Variants in PCLO observed in about 807,000 individuals in gnomAD.
PCLO encodes the protein piccolo presynaptic cytomatrix protein.
A neutral mutation model predicts 427.5 loss-of-function variants in PCLO; 82 were observed. The ratio of observed to expected loss-of-function variants is 0.19; its 90% confidence interval spans 0.16 to 0.23. The LOEUF is 0.23. PCLO is among the 10% of genes least tolerant of loss of function. The pLI is 1.00. For synonymous variants in PCLO, 2,357 were observed against 2,155.4 expected (o/e 1.09, Z -2.59); for missense variants, 6,239 against 6,115.9 (o/e 1.02, Z -0.67).
At chr7:83,012,539 C>G (rs967437475) in intron 3 of PCLO, among the ~76,000 whole-genome samples, 1 of 146,052 alleles carries the variant, frequency 6.8e-6, no homozygotes, top group Admixed American at 7.1e-5. Context: ...ATCACTTGAA[C>G]CCAGGAGGCA....
intron 3 of PCLO, among the ~76,000 whole-genome samples, chr7:83,066,284 T>C (rs147885421): frequency 6.6e-6 from 1 of 152,244 alleles, no homozygotes; most frequent in Non-Finnish European, 1.5e-5. Context: ...GATTTGAACA[T>C]TTATTGTATT....
intron 20 of PCLO, chr7:82,820,790 A>G: frequency 8.1e-7 from 1 of 1,231,336 alleles, no homozygotes. Flanking sequence ...ATCACAATGA[A>G]ACATATTTAT....
Position 82,953,998 on chromosome 7 carries a change from C to G in PCLO, c.6955G>C (p.Ala2319Pro), listed in dbSNP as rs1253112992. Residue 2319 changes from alanine (A) to proline (P), a missense_variant, in exon 5 of 25, where the codon GCT becomes CCT. Transcript: ENST00000333891. ...TCCAACTCCTTTTTATCTCTGTAAG[C>G]TTCCAAAACTTCCAGAATGATTCCA... ...GNGIILEVLE[A>P]YRDKKELEAE... 3.7e-6 allele frequency: 6 copies of G among 1,613,812 alleles called. No individual in the cohort carries two copies. The highest frequency in any genetic ancestry group is 5.1e-6 in the Non-Finnish European group (6 of 1,179,866).
intron 20 of PCLO, among the ~76,000 whole-genome samples, chr7:82,815,944 AAACTC>A (rs1456158826): frequency 6.6e-6 from 1 of 152,132 alleles, no homozygotes; most frequent in Non-Finnish European, 1.5e-5. Flanking sequence ...CACATCTACC[AAACTC>A]AACACCCCGA....
chr7:82,887,819 G>A (rs536940065), intron 9 of PCLO, among the ~76,000 whole-genome samples: 5 of 151,990 alleles, frequency 3.3e-5, no homozygotes, highest in African/African-American at 7.2e-5. Flanking sequence ...ATGAAAAAGC[G>A]AACACTTTGG....
At chr7:83,055,992 G>T (rs982726045) in intron 3 of PCLO, among the ~76,000 whole-genome samples, 1 of 152,080 alleles carries the variant, frequency 6.6e-6, no homozygotes, top group Middle Eastern at 3.4e-3. Flanking sequence ...TGGAACCAGG[G>T]TGCAACCTAA....
chr7:82,923,965 G>A (rs1258965876), intron 6 of PCLO, among the ~76,000 whole-genome samples: 1 of 152,006 alleles, frequency 6.6e-6, no homozygotes, highest in African/African-American at 2.4e-5. Flanking sequence ...AATCAAAAAC[G>A]TCACCATGCA....
At chr7:82,795,196 A>T (rs1001937330) in intron 22 of PCLO, among the ~76,000 whole-genome samples, 3 of 152,158 alleles carry the variant, frequency 2.0e-5, no homozygotes, top group East Asian at 1.9e-4. Context: ...GAACTATTTG[A>T]TAAACCAACT....
At chr7:83,079,443 G>C (rs1185991553) in intron 3 of PCLO, among the ~76,000 whole-genome samples, 1 of 150,310 alleles carries the variant, frequency 6.7e-6, no homozygotes. Flanking sequence ...CATTGAGGGG[G>C]AGGAGAAGGA....
At chr7:83,061,681 T>TA (rs1012075180) in intron 3 of PCLO, among the ~76,000 whole-genome samples, 33 of 151,904 alleles carry the variant, frequency 2.2e-4, no homozygotes, top group Non-Finnish European at 3.1e-4. Flanking sequence ...ATTTCCTTGC[T>TA]AAAAAAAATA....
chr7:82,821,947 A>C, intron 20 of PCLO: 1 of 985,546 alleles, frequency 1.0e-6, no homozygotes, highest in Non-Finnish European at 1.2e-6. Flanking sequence ...AAAATTTGTT[A>C]GTGTTTTAAA....
chr7:82,760,095 G>A (rs1790399824), intron 24 of PCLO, among the ~76,000 whole-genome samples: 1 of 151,942 alleles, frequency 6.6e-6, no homozygotes, highest in Admixed American at 6.6e-5. Context: ...GGCTTAACAT[G>A]ACTTGAAAAC....
intron 20 of PCLO, among the ~76,000 whole-genome samples, chr7:82,807,488 A>G (rs1247002860): frequency 1.3e-5 from 2 of 152,148 alleles, no homozygotes; most frequent in Non-Finnish European, 2.9e-5. Flanking sequence ...TTTAACCAAT[A>G]TAATAACCAC....
intron 3 of PCLO, among the ~76,000 whole-genome samples, chr7:82,993,219 G>A (rs1326656102): frequency 6.6e-6 from 1 of 151,278 alleles, no homozygotes; most frequent in African/African-American, 2.4e-5. Context: ...TTTTTCATAT[G>A]TCTTACTCAA....
chr7:83,015,279 G>C (rs75292237), intron 3 of PCLO, among the ~76,000 whole-genome samples: 2 of 151,656 alleles, frequency 1.3e-5, no homozygotes, highest in East Asian at 3.9e-4. Flanking sequence ...AACAGTTCTG[G>C]ACCCTGTGAA....
chr7:83,020,666 T>C lies in PCLO; in HGVS notation c.3301-54179A>G, dbSNP rs191558012. 2.4e-4 allele frequency among the ~76,000 whole-genome samples: 36 copies of C among 152,308 alleles called. No homozygotes were observed. In the East Asian group the frequency reaches 6.6e-3, roughly 28 times the overall value. On this transcript the variant is annotated intron_variant, in intron 3 of 24. Coordinates refer to ENST00000333891, the MANE Select transcript of PCLO (RefSeq NM_033026.6). The stretch of plus-strand genomic sequence containing the variant: ...GACCTATAAGAATAAACTTCTGTTG[T>C]TTATAAATTACCCAGTCTGTAGTAA...
chr7:83,015,103 C>A (rs1360460802), intron 3 of PCLO, among the ~76,000 whole-genome samples: 1 of 152,098 alleles, frequency 6.6e-6, no homozygotes, highest in Non-Finnish European at 1.5e-5. Context: ...AGTCAGTAGA[C>A]ACTGAGATAA....
intron 3 of PCLO, among the ~76,000 whole-genome samples, chr7:83,063,495 A>G (rs967786432): frequency 6.6e-6 from 1 of 152,252 alleles, no homozygotes; most frequent in South Asian, 2.1e-4. Context: ...AATAAATTAC[A>G]TGTGATATTC....
chr7:82,959,474 C>G (rs1795607084), intron 4 of PCLO, among the ~76,000 whole-genome samples: 1 of 152,082 alleles, frequency 6.6e-6, no homozygotes, highest in Non-Finnish European at 1.5e-5. Flanking sequence ...TTCAGAGGAC[C>G]ATTTAAAAAG....
Sources: gnomAD v4.1 joint callset for allele counts (sites outside exome capture counted in the v4.1 genomes callset) on GRCh38, gnomAD v4.1.1 for gene constraint, MANE v1.5 for transcripts, NCBI Gene and HGNC (gene_info 2026-07-23, HGNC 2026-07-21) for gene names.